TRPC5: variants seen among roughly 807,000 people sequenced by gnomAD.
TRPC5 encodes short transient receptor potential channel 5.
A neutral mutation model predicts 56.5 loss-of-function variants in TRPC5; 9 were observed. The observed-to-expected ratio is 0.16, with a 90% CI of 0.10 to 0.28. The LOEUF (loss-of-function observed/expected upper bound fraction) is 0.28. Among genes scored for constraint, TRPC5 ranks in the 10% least tolerant of loss-of-function variants. The probability of loss-of-function intolerance (pLI) is 1.00; values close to 1 mark genes in which losing one functional copy is unlikely to be tolerated. For synonymous variants in TRPC5, 282 were observed against 278.5 expected (o/e 1.01, Z -0.13); for missense variants, 469 against 748.9 (o/e 0.63, Z 4.36).
chrX:112,029,778 C>G (rs6655169), intron 1 of TRPC5, among the ~76,000 whole-genome samples: 1 of 109,483 alleles, frequency 9.1e-6, no homozygotes, highest in South Asian at 3.9e-4. Flanking sequence ...AAATGATACT[C>G]AAAATTAGAA....
intron 3 of TRPC5, among the ~76,000 whole-genome samples, chrX:111,887,781 T>C (rs899202627): frequency 8.9e-6 from 1 of 112,026 alleles, no homozygotes. Context: ...AACAAATATT[T>C]ACTGAATATC....
At chrX:111,917,386 T>TA (rs374852982) in intron 2 of TRPC5, among the ~76,000 whole-genome samples, 1 of 112,035 alleles carries the variant, frequency 8.9e-6, no homozygotes, top group East Asian at 2.8e-4. Context: ...TAGAGATAGA[T>TA]AAAAAATAAC....
intron 2 of TRPC5, among the ~76,000 whole-genome samples, chrX:111,935,745 G>T (rs1926553508): frequency 8.9e-6 from 1 of 111,933 alleles, no homozygotes; most frequent in South Asian, 3.8e-4. Context: ...CCCAGTGTAT[G>T]TTTTTGGCAC....
chrX:112,008,740 G>A (rs992300134), intron 1 of TRPC5, among the ~76,000 whole-genome samples: 9 of 111,774 alleles, frequency 8.1e-5, no homozygotes, highest in East Asian at 2.8e-4. Context: ...TAATAACTAC[G>A]TAATAACATA....
chrX:111,782,162 G>A, intron 7 of TRPC5, 24 bp from the exon 8 acceptor site: 1 of 1,166,863 alleles, frequency 8.6e-7, no homozygotes, highest in Non-Finnish European at 1.2e-6. Context: ...TGAAGTTCAA[G>A]GATTTGGGAT....
chrX:112,023,140 T>A (rs1030165326), intron 1 of TRPC5, among the ~76,000 whole-genome samples: 2 of 108,942 alleles, frequency 1.8e-5, no homozygotes, highest in South Asian at 8.2e-4. Context: ...TTCACCGTGT[T>A]AGCCAGGATG....
In TRPC5 at chrX:111,830,485, C is replaced by A. The variant is rs1050736162; in HGVS notation, c.1896+4436G>T. On this transcript the variant is annotated intron_variant, in intron 7 of 10. Coordinates refer to ENST00000262839, the MANE Select transcript of TRPC5 (RefSeq NM_012471.3). ...GATATGGTTTGACTGTGTCCCCACC[C>A]AAAATCTCATCTTGAGTTACAATCC... Among the ~76,000 whole-genome samples the A allele has an allele frequency of 8.4e-4, 94 of 111,547 alleles. 1 individual carries two copies. The highest frequency in any genetic ancestry group is 3.0e-3 in the African/African-American group (92 of 30,701).
At chrX:111,988,373 A>G (rs1928267329) in intron 1 of TRPC5, among the ~76,000 whole-genome samples, 1 of 111,134 alleles carries the variant, frequency 9.0e-6, no homozygotes, top group Non-Finnish European at 1.9e-5. Flanking sequence ...ATTGATTGCA[A>G]TCTTTTATAG....
intron 1 of TRPC5, among the ~76,000 whole-genome samples, chrX:111,965,682 A>G (rs998638170): frequency 1.8e-5 from 2 of 112,037 alleles, no homozygotes; most frequent in Admixed American, 9.5e-5. Flanking sequence ...ATTCAAAACC[A>G]CTCAACTACA....
intron 2 of TRPC5, among the ~76,000 whole-genome samples, chrX:111,944,299 T>A (rs866566602): frequency 3.3e-4 from 29 of 89,045 alleles, no homozygotes; most frequent in African/African-American, 1.2e-3. Flanking sequence ...TGTGTGTGTG[T>A]GTGTGAGAGA....
At chrX:112,010,866 CTG>C (rs1269967261) in intron 1 of TRPC5, among the ~76,000 whole-genome samples, 1 of 111,431 alleles carries the variant, frequency 9.0e-6, no homozygotes, top group Non-Finnish European at 1.9e-5. Flanking sequence ...CACATGGAAA[CTG>C]TTACATAATT....
intron 3 of TRPC5, among the ~76,000 whole-genome samples, chrX:111,857,022 G>T (rs1389776800): frequency 9.0e-6 from 1 of 111,190 alleles, no homozygotes; most frequent in Non-Finnish European, 1.9e-5. Context: ...TATCCACCTT[G>T]TAGGGTTGGT....
rs1025941021 is a variant in TRPC5 at position 111,781,076 on chromosome X, G to A, written c.2142+89C>T. The stretch of plus-strand genomic sequence containing the variant: ...CCTCCTATCCCAGTCAAATGGGATC[G>A]TGTCCAGACACAGCCAGAGTGAAGT... On this transcript the variant is annotated intron_variant, in intron 9 of 10. Transcript: ENST00000262839. 5.5e-6 allele frequency: 5 copies of A among 904,617 alleles called. No homozygotes were observed. The African/African-American group carries it at 5.9e-5, about 11-fold the overall frequency. The allele number at this position is 904,617 out of a possible 1,213,427, so 74.6% of individuals were successfully genotyped here. A position where few individuals can be genotyped will look rare whatever the true frequency, so the allele number is the denominator to read the frequency against.
chrX:111,836,831 G>A (rs1010076389), intron 6 of TRPC5, among the ~76,000 whole-genome samples: 8 of 112,048 alleles, frequency 7.1e-5, no homozygotes, highest in South Asian at 3.7e-4. Flanking sequence ...GATTAAAGTG[G>A]AGAAGATTCC....
At position 111,791,019 on chromosome X, in the gene TRPC5, CAAAAAAAAAAAA is replaced by C. The variant is rs753897017; in HGVS notation, c.1897-8893_1897-8882del. ...TGGGCCACAGAGCAAGACTCCATCT[CAAAAAAAAAAAA>C]AAAAAAAAAAAAAAAAAAAAAAGAC... On this transcript the variant is annotated intron_variant, in intron 7 of 10. Coordinates refer to ENST00000262839, the MANE Select transcript of TRPC5 (RefSeq NM_012471.3). Among the ~76,000 whole-genome samples, 18 of 9,293 alleles carry C rather than the reference CAAAAAAAAAAAA, an allele frequency of 1.9e-3. No individual in the cohort carries two copies. In the East Asian group the frequency reaches 0.024, roughly 12 times the overall value. The allele number at this position is 9,293 out of a possible 115,157, so 8.1% of individuals were successfully genotyped here. A position where few individuals can be genotyped will look rare whatever the true frequency, so the allele number is the denominator to read the frequency against.
At chrX:111,784,875 T>C (rs1945948559) in intron 7 of TRPC5, among the ~76,000 whole-genome samples, 1 of 110,891 alleles carries the variant, frequency 9.0e-6, no homozygotes, top group African/African-American at 3.3e-5. Context: ...GGGAGGGGGG[T>C]CCACCATTGA....
At chrX:111,997,013 T>C (rs934760432) in intron 1 of TRPC5, among the ~76,000 whole-genome samples, 2 of 111,525 alleles carry the variant, frequency 1.8e-5, no homozygotes. Flanking sequence ...AGGTTAATAT[T>C]ATTATGTGTG....
intron 1 of TRPC5, among the ~76,000 whole-genome samples, chrX:112,076,779 C>G (rs1033914700): frequency 1.8e-5 from 2 of 111,757 alleles, no homozygotes; most frequent in Non-Finnish European, 3.8e-5. Flanking sequence ...CAGTCTTCTT[C>G]CATGGAGTGA....
chrX:111,955,100 C>T (rs1927196643), intron 1 of TRPC5, among the ~76,000 whole-genome samples: 1 of 111,784 alleles, frequency 8.9e-6, no homozygotes, highest in South Asian at 3.8e-4. Context: ...TAATTTGTAA[C>T]TTGAGGCAAG....
Sources: allele counts gnomAD v4.1 joint callset (sites outside exome capture counted in the v4.1 genomes callset), GRCh38; gene constraint gnomAD v4.1.1; transcripts MANE v1.5; gene names NCBI Gene and HGNC (gene_info 2026-07-23, HGNC 2026-07-21).